Variants in TSHZ2 observed in about 807,000 individuals in gnomAD.
TSHZ2 encodes teashirt homolog 2.
In TSHZ2, 21 loss-of-function variants were observed where a neutral mutation model predicts 74.4. That is an observed-to-expected ratio of 0.28 (90% CI 0.20 to 0.41). The LOEUF is 0.41. Among genes scored for constraint, TSHZ2 ranks in the 10% least tolerant of loss-of-function variants. The pLI is 1.00. For missense variants in TSHZ2, 1,244 were observed against 1,293.5 expected (o/e 0.96, Z 0.59); for synonymous variants, 540 against 515.3 (o/e 1.05, Z -0.65).
intron 2 of TSHZ2, among the ~76,000 whole-genome samples, chr20:53,312,100 T>TAAA (rs1325642607): frequency 2.0e-5 from 3 of 151,352 alleles, no homozygotes; most frequent in Non-Finnish European, 4.4e-5. Context: ...AAAATTTTTT[T>TAAA]AAAAAAAATC....
chr20:53,223,044 T>C (rs1989600981), intron 1 of TSHZ2, among the ~76,000 whole-genome samples: 1 of 152,204 alleles, frequency 6.6e-6, no homozygotes, highest in African/African-American at 2.4e-5. Flanking sequence ...TTTTAAGTGT[T>C]CAGTATCTAC....
At chr20:53,110,126 A>G (rs1456828708) in intron 1 of TSHZ2, among the ~76,000 whole-genome samples, 1 of 152,144 alleles carries the variant, frequency 6.6e-6, no homozygotes, top group Admixed American at 6.5e-5. Context: ...AGCTGGAGCT[A>G]TGAGTAGAGC....
chr20:53,464,064 C>T (rs1014071879), intron 2 of TSHZ2, among the ~76,000 whole-genome samples: 12 of 152,206 alleles, frequency 7.9e-5, no homozygotes, highest in Non-Finnish European at 1.6e-4. Flanking sequence ...CCTTTACTTT[C>T]ATTCTGATGA....
chr20:53,096,298 C>T (rs1015310641), intron 1 of TSHZ2, among the ~76,000 whole-genome samples: 16 of 152,240 alleles, frequency 1.1e-4, no homozygotes, highest in African/African-American at 3.4e-4. Context: ...TGCACCACCA[C>T]GCCTGGCTAA....
intron 1 of TSHZ2, among the ~76,000 whole-genome samples, chr20:52,991,258 AGTGTG>A (rs1209361739): frequency 9.6e-5 from 14 of 145,926 alleles, no homozygotes; most frequent in South Asian, 2.2e-4. Flanking sequence ...GGGGGGAGAG[AGTGTG>A]AAAGCTTTTC....
intron 1 of TSHZ2, among the ~76,000 whole-genome samples, chr20:53,008,901 GTAAGAGAT>G (rs1169026669): frequency 2.0e-5 from 3 of 151,746 alleles, no homozygotes; most frequent in Non-Finnish European, 4.4e-5. Context: ...ATTAAGCACA[GTAAGAGAT>G]TAACAACAAT....
intron 1 of TSHZ2, among the ~76,000 whole-genome samples, chr20:53,038,756 G>A (rs1340188583): frequency 6.6e-6 from 1 of 152,000 alleles, no homozygotes; most frequent in Non-Finnish European, 1.5e-5. Flanking sequence ...AGAGATAAAG[G>A]TACTGACTGT....
intron 1 of TSHZ2, among the ~76,000 whole-genome samples, chr20:53,072,183 G>A (rs990106326): frequency 3.9e-5 from 6 of 152,170 alleles, no homozygotes; most frequent in Admixed American, 2.6e-4. Flanking sequence ...GAAAAGCATC[G>A]GGGATGCTAA....
At chr20:53,030,309 A>G (rs574974392) in intron 1 of TSHZ2, among the ~76,000 whole-genome samples, 8 of 151,730 alleles carry the variant, frequency 5.3e-5, no homozygotes, top group African/African-American at 1.7e-4. Context: ...AGACGACACT[A>G]TTCTCAAGGT....
chr20:53,019,473 T>C (rs910004292), intron 1 of TSHZ2, among the ~76,000 whole-genome samples: 14 of 152,076 alleles, frequency 9.2e-5, no homozygotes. Context: ...GAGAGGAGAC[T>C]AGCTACAGTT....
At chr20:53,393,156 C>T (rs888495239) in intron 2 of TSHZ2, among the ~76,000 whole-genome samples, 3 of 152,134 alleles carry the variant, frequency 2.0e-5, no homozygotes, top group Non-Finnish European at 4.4e-5. Flanking sequence ...TCTTCACCCT[C>T]CTCCTATCCT....
Position 53,313,579 on chromosome 20 carries a change from G to C in TSHZ2, c.*8+57008G>C, listed in dbSNP as rs577499569. 7.2e-5 allele frequency among the ~76,000 whole-genome samples: 11 copies of C among 152,324 alleles called. No individual in the cohort carries two copies. The East Asian group carries it at 2.1e-3, about 29-fold the overall frequency. On this transcript the variant is annotated intron_variant, in intron 2 of 2. Coordinates refer to ENST00000371497, the MANE Select transcript of TSHZ2 (RefSeq NM_173485.6). ...TTCAGTGCTCTCATTATACCTAAAA[G>C]TCCTTTTGTTCCAAACCTCTTTAAA...
chr20:53,392,282 T>A (rs1982284888), intron 2 of TSHZ2, among the ~76,000 whole-genome samples: 1 of 151,988 alleles, frequency 6.6e-6, no homozygotes, highest in Admixed American at 6.6e-5. Flanking sequence ...CCATCTCTAC[T>A]AAATACAAAA....
chr20:53,356,329 C>T lies in TSHZ2; in HGVS notation c.*8+99758C>T, dbSNP rs74905483. On this transcript the variant is annotated intron_variant, in intron 2 of 2. Coordinates refer to ENST00000371497, the MANE Select transcript of TSHZ2 (RefSeq NM_173485.6). ...AATTATGATCTGAACTCAGTTAGTC[C>T]AGCACCAGAGCTTGAAATCTTAACC... is the stretch of plus-strand genomic sequence containing the variant. Among the ~76,000 whole-genome samples the T allele has an allele frequency of 7.5e-4, 114 of 152,226 alleles. No homozygotes were observed. In the East Asian group the frequency reaches 0.017, roughly 22 times the overall value.
intron 1 of TSHZ2, among the ~76,000 whole-genome samples, chr20:52,975,693 C>G (rs924621540): frequency 1.3e-5 from 2 of 152,130 alleles, no homozygotes; most frequent in Non-Finnish European, 2.9e-5. Context: ...AGTGAGGGCC[C>G]TCTTACCTTA....
At chr20:53,459,123 T>C (rs1250662465) in intron 2 of TSHZ2, among the ~76,000 whole-genome samples, 1 of 152,076 alleles carries the variant, frequency 6.6e-6, no homozygotes, top group African/African-American at 2.4e-5. Context: ...GTTGACTTTC[T>C]GTCTCATTGA....
intron 1 of TSHZ2, among the ~76,000 whole-genome samples, chr20:53,021,295 G>A (rs2123033560): frequency 6.6e-6 from 1 of 152,298 alleles, no homozygotes; most frequent in South Asian, 2.1e-4. Context: ...CTAGGAACTT[G>A]TTAGAAATTC....
At position 53,489,048 on chromosome 20, in the gene TSHZ2, T is replaced by A. The variant is rs779178148; in HGVS notation, c.*1913T>A. 4 of 456,032 alleles carry A rather than the reference T, an allele frequency of 8.8e-6. No homozygotes were observed. The highest frequency in any genetic ancestry group is 1.8e-5 in the Non-Finnish European group (4 of 226,964). 28.2% of individuals were successfully genotyped at this position (456,032 alleles called of 1,614,324 possible). A position where few individuals can be genotyped will look rare whatever the true frequency, so the allele number is the denominator to read the frequency against. On this transcript the variant is annotated 3_prime_UTR_variant, in exon 3 of 3. Transcript: ENST00000371497. ...AAAATATACCCCTCACATCATCGGA[T>A]TGAGATGGCAGTCGAAATAGCTTCA...
At chr20:53,073,370 C>G (rs1600676899) in intron 1 of TSHZ2, among the ~76,000 whole-genome samples, 1 of 150,160 alleles carries the variant, frequency 6.7e-6, no homozygotes, top group Non-Finnish European at 1.5e-5. Context: ...CCCTCCCTCC[C>G]TCCCTCCATC....
Sources: gnomAD v4.1 joint callset for allele counts (sites outside exome capture counted in the v4.1 genomes callset) on GRCh38, gnomAD v4.1.1 for gene constraint, MANE v1.5 for transcripts, NCBI Gene and HGNC (gene_info 2026-07-23, HGNC 2026-07-21) for gene names.